ADGRV1: variants seen among roughly 807,000 people sequenced by gnomAD.
ADGRV1 encodes adhesion G protein-coupled receptor V1.
ADGRV1 carries 359 observed loss-of-function variants against 596.2 expected under a neutral mutation model. The observed-to-expected ratio is 0.60, with a 90% CI of 0.55 to 0.66. The LOEUF is 0.66. Among genes scored for constraint, ADGRV1 ranks in the 30% least tolerant of loss-of-function variants. ADGRV1 has a pLI of 0.00. For synonymous variants in ADGRV1, 2,681 were observed against 2,679.2 expected, an observed-to-expected ratio of 1.00 and a Z score of -0.02; for missense variants, 7,274 against 7,575.6, an observed-to-expected ratio of 0.96 and a Z score of 1.48.
chr5:90,740,866 G>C (rs933328722), intron 50 of ADGRV1, among the ~76,000 whole-genome samples: 2 of 152,128 alleles, frequency 1.3e-5, no homozygotes, highest in Non-Finnish European at 1.5e-5. Context: ...TGCTGGCTTG[G>C]GGGAGGGGCA....
At chr5:90,908,186 T>C (rs569696996) in intron 83 of ADGRV1, among the ~76,000 whole-genome samples, 9 of 152,294 alleles carry the variant, frequency 5.9e-5, no homozygotes, top group African/African-American at 1.7e-4. Flanking sequence ...CGATAATCCA[T>C]ACATGGATAG....
chr5:90,574,145 C>A (rs1186833846), intron 1 of ADGRV1, among the ~76,000 whole-genome samples: 1 of 150,550 alleles, frequency 6.6e-6, no homozygotes, highest in Non-Finnish European at 1.5e-5. Context: ...GGCTCTTTTT[C>A]GGTTCCATGT....
rs1408380251 is a variant in ADGRV1 at position 90,653,400 on chromosome 5, G to A, written c.3826G>A (p.Gly1276Ser). Reference sequence around the variant, plus strand: ...CAACTTCACCATTTTGAGGCAGCAGGGTGTGTTTGGTGATGTACAACTGGG... The same window carrying A: ...CAACTTCACCATTTTGAGGCAGCAGAGTGTGTTTGGTGATGTACAACTGGG... Reference protein sequence around the residue: ...ITNFTILRQQGVFGDVQLGWE... With the variant: ...ITNFTILRQQSVFGDVQLGWE... The change falls in exon 20 of 90, where the codon GGT becomes AGT. Residue 1276 changes from glycine (G) to serine (S), a missense_variant. Physicochemically the swap from Gly to Ser is moderately conservative, Grantham distance 56. Coordinates refer to ENST00000405460, the MANE Select transcript of ADGRV1 (RefSeq NM_032119.4). The A allele has an allele frequency of 4.3e-6, 7 of 1,613,808 alleles. No homozygotes were observed. The highest frequency in any genetic ancestry group is 3.3e-5 in the South Asian group (3 of 91,078).
chr5:90,847,415 TC>T, intron 78 of ADGRV1, among the ~76,000 whole-genome samples: 1 of 152,316 alleles, frequency 6.6e-6, no homozygotes, highest in East Asian at 1.9e-4. Flanking sequence ...AGACATATTC[TC>T]CAAGTCCCCA....
At chr5:90,960,335 C>T (rs1316781452) in intron 83 of ADGRV1, among the ~76,000 whole-genome samples, 1 of 152,048 alleles carries the variant, frequency 6.6e-6, no homozygotes, top group Non-Finnish European at 1.5e-5. Flanking sequence ...CTTTTATTGT[C>T]TGTCAATCAT....
chr5:90,986,311 A>G (rs949735383), intron 85 of ADGRV1, among the ~76,000 whole-genome samples: 9 of 151,904 alleles, frequency 5.9e-5, no homozygotes, highest in African/African-American at 1.9e-4. Flanking sequence ...TCTTTTGAAG[A>G]CAGTATTACT....
intron 31 of ADGRV1, 86 bp from the exon 32 acceptor site, chr5:90,692,519 A>G (rs1312540732): frequency 3.0e-6 from 3 of 991,458 alleles, no homozygotes; most frequent in South Asian, 1.7e-5. Flanking sequence ...ACTTGTATGT[A>G]TATGTTTGAT....
chr5:90,798,426 A>C (rs1018581755), intron 70 of ADGRV1, among the ~76,000 whole-genome samples: 1 of 152,242 alleles, frequency 6.6e-6, no homozygotes, highest in Non-Finnish European at 1.5e-5. Context: ...GAATTGAGGT[A>C]GTAATTAATA....
At chr5:90,730,376 T>C (rs192970596) in intron 50 of ADGRV1, among the ~76,000 whole-genome samples, 3 of 152,316 alleles carry the variant, frequency 2.0e-5, no homozygotes, top group Admixed American at 6.5e-5. Flanking sequence ...TAGAGAAACA[T>C]GAAGAGTGAC....
intron 1 of ADGRV1, chr5:90,614,136 T>C (rs1340604827): frequency 3.5e-6 from 1 of 282,826 alleles, no homozygotes; most frequent in Admixed American, 6.5e-5. Flanking sequence ...TGATGACTCA[T>C]AAACACACAT....
intron 64 of ADGRV1, chr5:90,779,888 T>C (rs749828997): frequency 6.6e-6 from 1 of 152,194 alleles, no homozygotes; most frequent in East Asian, 1.9e-4. Flanking sequence ...AATATCATGC[T>C]TTAAAAACTT....
intron 41 of ADGRV1, among the ~76,000 whole-genome samples, chr5:90,712,034 C>T (rs935205051): frequency 6.6e-6 from 1 of 152,132 alleles, no homozygotes; most frequent in Admixed American, 6.5e-5. Flanking sequence ...GTGATCAGCC[C>T]GCCTCGGCCT....
At chr5:90,984,844 T>A (rs1780353124) in intron 84 of ADGRV1, among the ~76,000 whole-genome samples, 1 of 152,238 alleles carries the variant, frequency 6.6e-6, no homozygotes, top group Admixed American at 6.5e-5. Flanking sequence ...CACCTTCCAC[T>A]GGACACTGAG....
intron 33 of ADGRV1, among the ~76,000 whole-genome samples, chr5:90,695,911 G>C (rs1334573273): frequency 6.6e-6 from 1 of 151,956 alleles, no homozygotes; most frequent in Non-Finnish European, 1.5e-5. Flanking sequence ...TTTTCCAGTG[G>C]TTATGTTAAC....
intron 86 of ADGRV1, among the ~76,000 whole-genome samples, chr5:91,092,299 A>G (rs1790456128): frequency 6.6e-6 from 1 of 152,108 alleles, no homozygotes; most frequent in Non-Finnish European, 1.5e-5. Flanking sequence ...GGGTTTCACC[A>G]TGTTGGCCAA....
intron 85 of ADGRV1, among the ~76,000 whole-genome samples, chr5:91,026,448 T>A (rs1387220722): frequency 6.6e-6 from 1 of 152,194 alleles, no homozygotes; most frequent in Non-Finnish European, 1.5e-5. Context: ...TCCCTTTCCC[T>A]ACATTCCAAC....
At chr5:90,912,242 G>A (rs1475397447) in intron 83 of ADGRV1, among the ~76,000 whole-genome samples, 1 of 152,030 alleles carries the variant, frequency 6.6e-6, no homozygotes, top group Non-Finnish European at 1.5e-5. Context: ...CAGTGTGGAT[G>A]CCAATGCCCC....
Position 90,706,238 on chromosome 5 carries a change from C to T in ADGRV1, c.8574C>T (p.Ile2858=), listed in dbSNP as rs1055372677. ...TGCAACCTATTCAATTAGGAGCTAT[C>T]AATGTCACATATACCACGGTTCCTG... is the stretch of plus-strand genomic sequence containing the variant. ...INREFGSLGA[I]NVTYTTVPGM... The change falls in exon 38 of 90, where the codon ATC becomes ATT. Residue 2858 remains isoleucine, a synonymous_variant. Coordinates refer to ENST00000405460, the MANE Select transcript of ADGRV1 (RefSeq NM_032119.4). 6.2e-7 allele frequency: 1 copy of T among 1,604,844 alleles called. No individual in the cohort carries two copies. The highest frequency in any genetic ancestry group is 8.5e-7 in the Non-Finnish European group (1 of 1,177,138).
intron 83 of ADGRV1, chr5:90,931,183 G>C (rs1316436540): frequency 6.6e-6 from 1 of 152,228 alleles, no homozygotes; most frequent in Non-Finnish European, 1.5e-5. Context: ...GTGTATGGAT[G>C]GAGAAAGAGA....
Sources: gnomAD v4.1 joint callset for allele counts (sites outside exome capture counted in the v4.1 genomes callset) on GRCh38, gnomAD v4.1.1 for gene constraint, MANE v1.5 for transcripts, NCBI Gene and HGNC (gene_info 2026-07-23, HGNC 2026-07-21) for gene names.